The following BTRC variants were observed in gnomAD, a reference collection of about 807,000 sequenced individuals.
The protein encoded by BTRC is beta-transducin repeat containing E3 ubiquitin protein ligase.
A neutral mutation model predicts 85.5 loss-of-function variants in BTRC; 42 were observed. That is an observed-to-expected ratio of 0.49 (90% confidence interval 0.38 to 0.64). BTRC has a LOEUF of 0.64. Ranked by LOEUF, BTRC falls within the 30% of genes least tolerant of loss-of-function variation. BTRC has a pLI of 0.00. For missense variants in BTRC, 594 were observed against 743.5 expected, an observed-to-expected ratio of 0.80 and a Z score of 2.34; for synonymous variants, 255 against 263.3, an observed-to-expected ratio of 0.97 and a Z score of 0.30.
At chr10:101,410,661 T>C (rs1432650988) in intron 1 of BTRC, among the ~76,000 whole-genome samples, 1 of 151,846 alleles carries the variant, frequency 6.6e-6, no homozygotes, top group Non-Finnish European at 1.5e-5. Flanking sequence ...TTGAGAGTAA[T>C]ATCTTTTCAG....
intron 2 of BTRC, among the ~76,000 whole-genome samples, chr10:101,449,261 T>A (rs907121352): frequency 2.6e-5 from 4 of 151,870 alleles, no homozygotes; most frequent in Non-Finnish European, 5.9e-5. Context: ...TCCAAGGGGA[T>A]GAAAGTCATT....
In BTRC at chr10:101,395,069, T is replaced by A. The variant is rs79566347; in HGVS notation, c.49-35276T>A. 4.7e-3 allele frequency among the ~76,000 whole-genome samples: 721 copies of A among 152,300 alleles called. 6 individuals carry two copies. The highest frequency in any genetic ancestry group is 0.017 in the African/African-American group (688 of 41,570). ...GCACTGTAACAAAATTGTATCATCT[T>A]GTGTATAGCCTAGGATCTACTGGCT... On this transcript the variant is annotated intron_variant, in intron 1 of 14. Coordinates refer to ENST00000370187, the MANE Select transcript of BTRC (RefSeq NM_033637.4).
At chr10:101,407,535 T>C (rs979916237) in intron 1 of BTRC, among the ~76,000 whole-genome samples, 3 of 151,800 alleles carry the variant, frequency 2.0e-5, no homozygotes, top group African/African-American at 4.8e-5. Flanking sequence ...GGACTACAGG[T>C]ATGCGCCACT....
chr10:101,505,509 G>A (rs1384844300), intron 4 of BTRC, among the ~76,000 whole-genome samples: 3 of 151,482 alleles, frequency 2.0e-5, no homozygotes, highest in African/African-American at 7.3e-5. Context: ...AGTCCCAGCT[G>A]CTCAGGAAGC....
chr10:101,510,437 G>C (rs1946673003), intron 4 of BTRC, among the ~76,000 whole-genome samples: 1 of 151,626 alleles, frequency 6.6e-6, no homozygotes, highest in Non-Finnish European at 1.5e-5. Flanking sequence ...GTGAACCCAG[G>C]AGTTGGAGCT....
intron 5 of BTRC, among the ~76,000 whole-genome samples, chr10:101,522,387 A>AAAAAAAAC (rs2062126633): frequency 7.3e-6 from 1 of 137,622 alleles, no homozygotes; most frequent in African/African-American, 2.6e-5. Flanking sequence ...CAAAAAAAAA[A>AAAAAAAAC]AAACTCTAGA....
At chr10:101,464,547 C>G (rs922932907) in intron 3 of BTRC, among the ~76,000 whole-genome samples, 7 of 142,454 alleles carry the variant, frequency 4.9e-5, no homozygotes, top group African/African-American at 7.7e-5. Context: ...CCCCACCCCC[C>G]CCATGGTGCT....
At chr10:101,432,563 A>C (rs533065732) in intron 2 of BTRC, among the ~76,000 whole-genome samples, 1 of 152,216 alleles carries the variant, frequency 6.6e-6, no homozygotes, top group Admixed American at 6.5e-5. Flanking sequence ...GGCGATCTGC[A>C]AAGTCTGAGG....
At chr10:101,543,005 T>C (rs1479535619) in intron 13 of BTRC, among the ~76,000 whole-genome samples, 1 of 152,178 alleles carries the variant, frequency 6.6e-6, no homozygotes, top group Non-Finnish European at 1.5e-5. Context: ...GCCTCCCAAG[T>C]AGCTGGCATT....
Position 101,535,410 on chromosome 10 carries a change from C to T in BTRC, c.1404C>T (p.Gly468=). Residue 468 remains glycine, a synonymous_variant, in exon 11 of 15, where the codon GGC becomes GGT. Transcript: ENST00000370187. ...FVRTLNGHKR[G]IACLQYRDRL... is the part of the protein sequence containing the mutation. ...GGACCTTAAATGGACACAAACGAGGCATTGCCTGTTTGCAGTACAGGGACA... is the reference window on the plus strand; with the variant it reads ...GGACCTTAAATGGACACAAACGAGGTATTGCCTGTTTGCAGTACAGGGACA... The T allele has an allele frequency of 6.2e-7, 1 of 1,614,138 alleles. No individual in the cohort carries two copies. The highest frequency in any genetic ancestry group is 8.5e-7 in the Non-Finnish European group (1 of 1,180,008).
At chr10:101,479,576 T>C in intron 4 of BTRC, 119 bp downstream of exon 4, 1 of 675,542 alleles carries the variant, frequency 1.5e-6, no homozygotes, top group African/African-American at 1.8e-5. Flanking sequence ...AAGAAAAAAA[T>C]ACAAACAGGC....
intron 1 of BTRC, among the ~76,000 whole-genome samples, chr10:101,429,275 A>C (rs1410510799): frequency 1.3e-5 from 2 of 152,188 alleles, no homozygotes; most frequent in Non-Finnish European, 2.9e-5. Flanking sequence ...TGAAGAATAT[A>C]AAAATAGTTT....
rs2062708222 is a variant in BTRC at position 101,555,103 on chromosome 10, T to A, written c.*1980T>A. 2 of 152,562 alleles carry A rather than the reference T, an allele frequency of 1.3e-5. No homozygotes were observed. The highest frequency in any genetic ancestry group is 4.8e-5 in the African/African-American group (2 of 41,464). The allele number at this position is 152,562 out of a possible 1,614,324, so 9.5% of individuals were successfully genotyped here. ...TTTTCTACTTGGCCACTATCAGGGT[T>A]CGTCATCTATTGTGTTGACTATTAA... On this transcript the variant is annotated 3_prime_UTR_variant, in exon 15 of 15. Transcript: ENST00000370187.
chr10:101,443,403 G>A (rs937107510), intron 2 of BTRC, among the ~76,000 whole-genome samples: 1 of 152,102 alleles, frequency 6.6e-6, no homozygotes, highest in Non-Finnish European at 1.5e-5. Flanking sequence ...TTTTGATTCA[G>A]TTTAACTCTA....
chr10:101,548,985 G>C (rs542283675), intron 13 of BTRC, among the ~76,000 whole-genome samples: 1 of 151,374 alleles, frequency 6.6e-6, no homozygotes, highest in Non-Finnish European at 1.5e-5. Flanking sequence ...CCCAGGAGGC[G>C]GAGGTTGCAG....
intron 1 of BTRC, among the ~76,000 whole-genome samples, chr10:101,404,020 A>ATTTTTTTT (rs1943553807): frequency 4.1e-5 from 1 of 24,578 alleles, no homozygotes; most frequent in African/African-American, 1.3e-4. Context: ...ATATATATAT[A>ATTTTTTTT]TATATATATA....
intron 13 of BTRC, among the ~76,000 whole-genome samples, chr10:101,542,160 C>T (rs919761645): frequency 6.6e-6 from 1 of 152,134 alleles, no homozygotes; most frequent in Non-Finnish European, 1.5e-5. Context: ...GTCTTCCAAG[C>T]AGTTTGGCCG....
chr10:101,404,030 A>ATATATATTT (rs1232082481), intron 1 of BTRC, among the ~76,000 whole-genome samples: 13 of 25,434 alleles, frequency 5.1e-4, no homozygotes, highest in Admixed American at 1.8e-3. Flanking sequence ...ATATATATAT[A>ATATATATTT]TTTTTTTTTT....
intron 2 of BTRC, among the ~76,000 whole-genome samples, chr10:101,445,934 T>C (rs1004798018): frequency 7.9e-5 from 12 of 152,310 alleles, no homozygotes; most frequent in South Asian, 2.1e-4. Context: ...TACACACAGC[T>C]GATTGAGATA....
Sources: allele counts gnomAD v4.1 joint callset (sites outside exome capture counted in the v4.1 genomes callset), GRCh38; gene constraint gnomAD v4.1.1; transcripts MANE v1.5; gene names NCBI Gene and HGNC (gene_info 2026-07-23, HGNC 2026-07-21).